Variants in PDE4B observed in about 807,000 individuals in gnomAD.
PDE4B encodes the protein 3',5'-cyclic-AMP phosphodiesterase 4B.
Under a neutral mutation model 82.2 loss-of-function variants are expected in PDE4B, and 20 were observed. The ratio of observed to expected loss-of-function variants is 0.24; its 90% confidence interval spans 0.17 to 0.35. The LOEUF is 0.35. Ranked by LOEUF, PDE4B falls within the 10% of genes least tolerant of loss-of-function variation. The pLI is 1.00. For missense variants in PDE4B, 655 were observed against 907.2 expected (o/e 0.72, Z 3.57); for synonymous variants, 320 against 318.9 (o/e 1.00, Z -0.04).
chr1:66,367,644 A>T, intron 13 of PDE4B, 52 bp from the exon 14 acceptor site: 4 of 1,465,798 alleles, frequency 2.7e-6, no homozygotes, highest in Non-Finnish European at 3.7e-6. Flanking sequence ...TAATGCCAAC[A>T]TTCAAATCAT....
intron 7 of PDE4B, among the ~76,000 whole-genome samples, chr1:66,287,723 T>C (rs1345078856): frequency 2.0e-5 from 3 of 152,152 alleles, no homozygotes; most frequent in Admixed American, 2.0e-4. Context: ...GCTCATGGAT[T>C]TTTGGAGGCT....
intron 1 of PDE4B, among the ~76,000 whole-genome samples, chr1:65,882,754 T>C (rs2310881): frequency 0.5 from 75,911 of 151,842 alleles, 19,354 homozygotes; most frequent in African/African-American, 0.57. Flanking sequence ...ATGTTTTACA[T>C]GTTTTTATAT....
At chr1:65,878,737 C>T (rs953000096) in intron 1 of PDE4B, among the ~76,000 whole-genome samples, 38 of 151,394 alleles carry the variant, frequency 2.5e-4, no homozygotes, top group African/African-American at 8.0e-4. Context: ...GTTGGGGAGT[C>T]GGGGGAAAGG....
At chr1:66,201,483 T>G (rs186308041) in intron 3 of PDE4B, among the ~76,000 whole-genome samples, 234 of 152,282 alleles carry the variant, frequency 1.5e-3, no homozygotes, top group African/African-American at 5.3e-3. Context: ...TCCTGGACTC[T>G]TTTTGGTTGG....
At chr1:65,913,096 C>T in intron 1 of PDE4B, 149 bp from the exon 2 acceptor site, 1 of 422,390 alleles carries the variant, frequency 2.4e-6, no homozygotes, top group Non-Finnish European at 4.2e-6. Flanking sequence ...CTTTTCTCAG[C>T]ATATCAAACT....
intron 7 of PDE4B, among the ~76,000 whole-genome samples, chr1:66,294,412 A>T (rs1233287112): frequency 6.6e-6 from 1 of 152,170 alleles, no homozygotes; most frequent in African/African-American, 2.4e-5. Context: ...CAATTTTCTA[A>T]TTGATTCTAC....
intron 7 of PDE4B, among the ~76,000 whole-genome samples, chr1:66,299,004 T>C (rs996677848): frequency 6.6e-6 from 1 of 152,200 alleles, no homozygotes. Context: ...TATATATGTA[T>C]ACACTGCATA....
At chr1:66,278,827 CGT>C (rs756328774) in intron 7 of PDE4B, among the ~76,000 whole-genome samples, 1 of 151,326 alleles carries the variant, frequency 6.6e-6, no homozygotes. Context: ...AGTTCTGTGC[CGT>C]GTGTGTGTGT....
rs570079759 is a variant in PDE4B at position 66,150,934 on chromosome 1, TAGA to T, written c.282-96524_282-96522del. Among the ~76,000 whole-genome samples, 84 of 152,316 alleles carry T rather than the reference TAGA, an allele frequency of 5.5e-4. 1 individual carries two copies. The highest frequency in any genetic ancestry group is 1.9e-3 in the African/African-American group (81 of 41,576). ...TTATATGCTGCTGTATCCAATTCGC[TAGA>T]ATTTTGTTGAGGAATTTTTATATCA... On this transcript the variant is annotated intron_variant, in intron 3 of 16. Transcript: ENST00000341517.
intron 3 of PDE4B, among the ~76,000 whole-genome samples, chr1:66,021,684 T>A (rs1165663371): frequency 6.6e-6 from 1 of 152,240 alleles, no homozygotes; most frequent in African/African-American, 2.4e-5. Context: ...TCTGTTTTGG[T>A]ACCAGTACCA....
At chr1:66,056,732 A>G (rs904406288) in intron 3 of PDE4B, among the ~76,000 whole-genome samples, 1 of 152,124 alleles carries the variant, frequency 6.6e-6, no homozygotes, top group Non-Finnish European at 1.5e-5. Context: ...GAGAGATACA[A>G]TATTGATGGC....
intron 7 of PDE4B, chr1:66,332,149 G>T (rs1660159399): frequency 7.4e-7 from 1 of 1,360,320 alleles, no homozygotes; most frequent in South Asian, 1.9e-5. Flanking sequence ...AAGGCAGAGA[G>T]AGTCTGAGAA....
intron 3 of PDE4B, among the ~76,000 whole-genome samples, chr1:66,089,989 A>T (rs1045399036): frequency 6.6e-6 from 1 of 152,092 alleles, no homozygotes; most frequent in African/African-American, 2.4e-5. Context: ...AATATCTCCT[A>T]TACCCTTGAT....
At chr1:66,354,104 C>G (rs1189568624) in intron 8 of PDE4B, among the ~76,000 whole-genome samples, 2 of 152,172 alleles carry the variant, frequency 1.3e-5, no homozygotes, top group Non-Finnish European at 2.9e-5. Context: ...GACAAATAAT[C>G]CTCCAAAAAG....
intron 3 of PDE4B, among the ~76,000 whole-genome samples, chr1:66,096,508 T>TTATATATATA (rs4068855): frequency 0.013 from 1,426 of 107,104 alleles, 42 homozygotes; most frequent in South Asian, 0.033. Context: ...GTAAAAAAAA[T>TTATATATATA]TATATATATA....
intron 1 of PDE4B, among the ~76,000 whole-genome samples, chr1:65,807,085 G>T (rs532692535): frequency 1.1e-3 from 171 of 152,162 alleles, no homozygotes; most frequent in Middle Eastern, 3.4e-3. Context: ...GAATCCCTGG[G>T]GTCCTTTTAC....
chr1:65,860,128 C>T (rs903069077), intron 1 of PDE4B, among the ~76,000 whole-genome samples: 1 of 152,162 alleles, frequency 6.6e-6, no homozygotes, highest in African/African-American at 2.4e-5. Context: ...TTTGCTGCAC[C>T]TATCAACCTG....
At chr1:65,921,303 C>T (rs1418887751) in intron 3 of PDE4B, among the ~76,000 whole-genome samples, 1 of 152,092 alleles carries the variant, frequency 6.6e-6, no homozygotes, top group African/African-American at 2.4e-5. Context: ...GAAAATCCAG[C>T]TTCCACTGGA....
intron 1 of PDE4B, among the ~76,000 whole-genome samples, chr1:65,886,866 T>A (rs571098671): frequency 6.6e-6 from 1 of 152,302 alleles, no homozygotes; most frequent in Admixed American, 6.5e-5. Flanking sequence ...TATACACTTA[T>A]TTATTTTCCA....
Sources: allele counts gnomAD v4.1 joint callset (sites outside exome capture counted in the v4.1 genomes callset), GRCh38; gene constraint gnomAD v4.1.1; transcripts MANE v1.5; gene names NCBI Gene and HGNC (gene_info 2026-07-23, HGNC 2026-07-21).